Variants in MICAL3 observed in about 807,000 individuals in gnomAD.
The protein encoded by MICAL3 is microtubule associated monooxygenase, calponin and LIM domain containing 3.
Under a neutral mutation model 207.4 loss-of-function variants are expected in MICAL3, and 62 were observed. The ratio of observed to expected loss-of-function variants is 0.30; its 90% CI spans 0.24 to 0.37. The LOEUF is 0.37. Among genes scored for constraint, MICAL3 ranks in the 10% least tolerant of loss-of-function variants. MICAL3 has a pLI of 1.00. For synonymous variants in MICAL3, 1,077 were observed against 1,069.3 expected (o/e 1.01, Z -0.14); for missense variants, 2,368 against 2,635.6 (o/e 0.90, Z 2.22).
intron 21 of MICAL3, among the ~76,000 whole-genome samples, chr22:17,828,162 C>A (rs962626131): frequency 2.0e-5 from 3 of 152,234 alleles, no homozygotes; most frequent in African/African-American, 7.2e-5. Flanking sequence ...GGCCCAGCCC[C>A]AAGGGGTCAC....
intron 1 of MICAL3, among the ~76,000 whole-genome samples, chr22:17,976,242 C>T (rs1003198097): frequency 2.0e-5 from 3 of 152,182 alleles, no homozygotes; most frequent in Admixed American, 2.0e-4. Context: ...AACTTGTCCA[C>T]ATAACCCAAA....
intron 1 of MICAL3, among the ~76,000 whole-genome samples, chr22:17,917,060 C>T (rs990963134): frequency 1.3e-5 from 2 of 152,150 alleles, no homozygotes; most frequent in Admixed American, 6.5e-5. Context: ...TTGAAAATTG[C>T]TGGTGCCCAC....
At chr22:17,998,547 A>ATT (rs1922566389) in intron 1 of MICAL3, among the ~76,000 whole-genome samples, 4 of 138,170 alleles carry the variant, frequency 2.9e-5, no homozygotes, top group African/African-American at 1.0e-4. Flanking sequence ...TAATAATAAT[A>ATT]ATTATTATTA....
chr22:17,919,892 T>C (rs1932759162), intron 1 of MICAL3, among the ~76,000 whole-genome samples: 1 of 152,228 alleles, frequency 6.6e-6, no homozygotes, highest in Non-Finnish European at 1.5e-5. Flanking sequence ...AACTGGTTTC[T>C]AAAGAACTGC....
In MICAL3 at chr22:17,885,928, C is replaced by T; in HGVS notation, c.2191G>A (p.Ala731Thr). 1.9e-6 allele frequency: 3 copies of T among 1,613,998 alleles called. No homozygotes were observed. The highest frequency in any genetic ancestry group is 2.5e-6 in the Non-Finnish European group (3 of 1,179,886). Residue 731 changes from alanine to threonine, a missense_variant, in exon 16 of 32, where the codon GCC (alanine) becomes ACC (threonine). Ala to Thr is a moderately conservative substitution (Grantham distance 58). This residue lies in a region of MICAL3 where 1,770 missense variants were observed against 1,863.2 expected (regional missense o/e 0.95). Coordinates refer to ENST00000441493, the MANE Select transcript of MICAL3 (RefSeq NM_015241.3). Reference sequence around the variant, plus strand: ...GCGGGCGCATTCTCTTCAAATTTGGCCAGCAGCTGGGTCGCCATGTACTTC... The same window carrying T: ...GCGGGCGCATTCTCTTCAAATTTGGTCAGCAGCTGGGTCGCCATGTACTTC... ...KVKYMATQLL[A>T]KFEENAPAQS...
At position 17,826,181 on chromosome 22, in the gene MICAL3, C is replaced by T. The variant is rs565739438; in HGVS notation, c.3193+1463G>A. 4.0e-5 allele frequency among the ~76,000 whole-genome samples: 6 copies of T among 150,322 alleles called. No individual in the cohort carries two copies. In the East Asian group the frequency reaches 9.7e-4, roughly 24 times the overall value. ...CTCAGTGCCAAAAACGTTCCTTTGG[C>T]TTTGGCCTTTTTATCCGACTCTTAT... On this transcript the variant is annotated intron_variant, in intron 22 of 31. Transcript: ENST00000441493.
At chr22:17,822,352 C>A (rs1921737049) in intron 23 of MICAL3, among the ~76,000 whole-genome samples, 182 bp from the exon 24 acceptor site, 1 of 152,258 alleles carries the variant, frequency 6.6e-6, no homozygotes, top group Non-Finnish European at 1.5e-5. Flanking sequence ...AGGGGCCCGG[C>A]CAAGAGCACC....
intron 29 of MICAL3, among the ~76,000 whole-genome samples, chr22:17,807,338 G>C (rs200043003): frequency 6.6e-6 from 1 of 152,244 alleles, no homozygotes; most frequent in Admixed American, 6.5e-5. Flanking sequence ...GCAGAGCAGG[G>C]CAGGGGGGCA....
In MICAL3 at chr22:17,896,913, G is replaced by A; in HGVS notation, c.1017C>T (p.Ala339=). Residue 339 remains alanine, a synonymous_variant, in exon 8 of 32, where the codon GCC becomes GCT. Coordinates refer to ENST00000441493, the MANE Select transcript of MICAL3 (RefSeq NM_015241.3). ...NVDQEALLSY[A]REAADFSTQQ... ...GGGTAGAGAAGTCTGCCGCCTCCCT[G>A]GCATAGCTGAGCAGAGCCTCCTGGT... The A allele has an allele frequency of 6.2e-7, 1 of 1,613,970 alleles. No homozygotes were observed. Among genetic ancestry groups the A allele is most frequent in the Non-Finnish European group, 8.5e-7 (1 of 1,179,894 alleles).
At chr22:17,949,758 G>C (rs142411362) in intron 1 of MICAL3, among the ~76,000 whole-genome samples, 1 of 152,232 alleles carries the variant, frequency 6.6e-6, no homozygotes, top group Non-Finnish European at 1.5e-5. Context: ...CTGTAAAGCA[G>C]AGGACGAAAC....
In MICAL3 at chr22:17,802,125, C is replaced by T. The variant is rs139856523; in HGVS notation, c.5650+6719G>A. Among the ~76,000 whole-genome samples, 1,111 of 150,992 alleles carry T rather than the reference C, an allele frequency of 7.4e-3. 15 individuals are homozygous for T. The highest frequency in any genetic ancestry group is 0.024 in the African/African-American group (988 of 41,030). Reference sequence around the variant, plus strand: ...TTGCCCAGACTGGAGTGCAGTGCTGCGATCACAGCTCACTGCAGCCTCAAA... The same window carrying T: ...TTGCCCAGACTGGAGTGCAGTGCTGTGATCACAGCTCACTGCAGCCTCAAA... On this transcript the variant is annotated intron_variant, in intron 29 of 31. Transcript: ENST00000441493.
chr22:17,937,626 G>T (rs987136966), intron 1 of MICAL3, among the ~76,000 whole-genome samples: 1 of 152,206 alleles, frequency 6.6e-6, no homozygotes, highest in Non-Finnish European at 1.5e-5. Context: ...TCACGCCATT[G>T]TACTCCAGCC....
intron 1 of MICAL3, among the ~76,000 whole-genome samples, chr22:17,998,285 A>G (rs1922525495): frequency 6.6e-6 from 1 of 152,228 alleles, no homozygotes; most frequent in Non-Finnish European, 1.5e-5. Context: ...TGGGCGCGAC[A>G]GAGCAAGAGA....
rs182136504 is a variant in MICAL3 at position 17,992,811 on chromosome 22, T to A, written c.-75+31470A>T. 1.7e-4 allele frequency among the ~76,000 whole-genome samples: 26 copies of A among 152,278 alleles called. No individual in the cohort carries two copies. The East Asian group carries it at 5.0e-3, about 29-fold the overall frequency. On this transcript the variant is annotated intron_variant, in intron 1 of 31. Transcript: ENST00000441493. ...TCCCTGAACATTTATCTCACGGGAT[T>A]TGGAGTCATTAGCTATGCAAATTAT...
Position 17,907,223 on chromosome 22 carries a change from G to A in MICAL3, c.-74-337C>T, listed in dbSNP as rs888545629. Among the ~76,000 whole-genome samples, 111 of 152,158 alleles carry A rather than the reference G, an allele frequency of 7.3e-4. 1 individual carries two copies. The highest frequency in any genetic ancestry group is 2.6e-3 in the African/African-American group (108 of 41,554). ...TAAGTCACTATTGGTGGTGAAGGGG[G>A]GGGGTCCCCACTGAAGGCGAGCCTC... On this transcript the variant is annotated intron_variant, in intron 1 of 31. Coordinates refer to ENST00000441493, the MANE Select transcript of MICAL3 (RefSeq NM_015241.3).
chr22:17,985,475 A>G (rs1920968199), intron 1 of MICAL3, among the ~76,000 whole-genome samples: 3 of 152,050 alleles, frequency 2.0e-5, no homozygotes, highest in Admixed American at 1.3e-4. Context: ...CGGGAGGATG[A>G]GCAGGTCCTG....
intron 1 of MICAL3, among the ~76,000 whole-genome samples, chr22:17,950,468 TA>T (rs1271928938): frequency 6.6e-6 from 1 of 151,208 alleles, no homozygotes; most frequent in Non-Finnish European, 1.5e-5. Context: ...GCCTCCCAAG[TA>T]GCTGGGACTA....
At chr22:17,810,637 G>A in intron 28 of MICAL3, 66 bp downstream of exon 28, 1 of 1,292,364 alleles carries the variant, frequency 7.7e-7, no homozygotes, top group Non-Finnish European at 1.1e-6. Context: ...GAGCAGCTGG[G>A]TGGATAGGGA....
intron 1 of MICAL3, among the ~76,000 whole-genome samples, chr22:17,909,234 A>C (rs1003751211): frequency 6.6e-6 from 1 of 152,204 alleles, no homozygotes; most frequent in Non-Finnish European, 1.5e-5. Context: ...ATTAAAAACT[A>C]TACTGCTGGC....
Sources: gnomAD v4.1 joint callset for allele counts (sites outside exome capture counted in the v4.1 genomes callset) on GRCh38, gnomAD v4.1.1 for gene constraint, gnomAD v4.1.1 regional missense constraint, MANE v1.5 for transcripts, NCBI Gene and HGNC (gene_info 2026-07-23, HGNC 2026-07-21) for gene names.